The following RASSF1 variants were observed in gnomAD, a reference collection of about 807,000 sequenced individuals.
RASSF1 encodes ras association domain-containing protein 1.
RASSF1 carries 33 observed loss-of-function variants against 34.3 expected under a neutral mutation model. The ratio of observed to expected loss-of-function variants is 0.96; its 90% CI spans 0.73 to 1.29. The LOEUF (loss-of-function observed/expected upper bound fraction) is 1.29. Among genes scored for constraint, RASSF1 ranks in the 50% most tolerant of loss-of-function variants. The pLI is 0.00. For missense variants in RASSF1, 445 were observed against 471.8 expected, an observed-to-expected ratio of 0.94 and a Z score of 0.53; for synonymous variants, 191 against 195.0, an observed-to-expected ratio of 0.98 and a Z score of 0.17.
chr3:50,330,918 G>A lies in RASSF1; in HGVS notation c.877-191C>T, dbSNP rs1374637189. The stretch of plus-strand genomic sequence containing the variant: ...GTATGGAAGATGGGCCCTACAAAAC[G>A]GTCACCTTACTGAGACAACCAAGTC... On this transcript the variant is annotated intron_variant, in intron 5 of 5. Transcript: ENST00000359365. The surrounding 1 kb of genome is among the most constrained non-coding windows in gnomAD (Gnocchi z 4.5). Among the ~76,000 whole-genome samples, 1 of 152,118 alleles carries A rather than the reference G, an allele frequency of 6.6e-6. No homozygotes were observed. Among genetic ancestry groups the A allele is most frequent in the African/African-American group, 2.4e-5 (1 of 41,410 alleles).
At chr3:50,337,673 G>A in intron 2 of RASSF1, 1 of 882,728 alleles carries the variant, frequency 1.1e-6, no homozygotes, top group African/African-American at 1.7e-5. Flanking sequence ...GTGCGCGTGC[G>A]CGGAGCCTGG....
chr3:50,335,266 CTTT>C (rs201008830), intron 2 of RASSF1, among the ~76,000 whole-genome samples: 2 of 143,390 alleles, frequency 1.4e-5, no homozygotes, highest in East Asian at 4.1e-4. Flanking sequence ...ATGTTTTTTT[CTTT>C]TTTTTTAACA....
chr3:50,332,532 A>G (rs1702985063), intron 2 of RASSF1, among the ~76,000 whole-genome samples: 1 of 152,156 alleles, frequency 6.6e-6, no homozygotes, highest in African/African-American at 2.4e-5. Context: ...CACATCTGCA[A>G]TCCCAGCATT....
intron 5 of RASSF1, among the ~76,000 whole-genome samples, chr3:50,331,057 C>T (rs1239961848): frequency 2.6e-5 from 4 of 152,192 alleles, no homozygotes; most frequent in African/African-American, 9.7e-5. Flanking sequence ...TGAAGGGGGC[C>T]TCCTCATGTC....
intron 3 of RASSF1, 38 bp from the exon 4 acceptor site, chr3:50,331,894 C>G (rs1341388790): frequency 1.3e-6 from 2 of 1,548,294 alleles, no homozygotes; most frequent in East Asian, 2.3e-5. Context: ...ATAATAGGTT[C>G]CAGGTGAGAT....
chr3:50,337,040 C>T, intron 2 of RASSF1: 1 of 1,235,238 alleles, frequency 8.1e-7, no homozygotes, highest in Non-Finnish European at 1.1e-6. Flanking sequence ...AGGTCCCCGG[C>T]CAGGACCCGC....
chr3:50,337,636 G>C (rs1181197407), intron 2 of RASSF1: 1 of 998,526 alleles, frequency 1.0e-6, no homozygotes, highest in Non-Finnish European at 1.4e-6. Flanking sequence ...GCCTCTGGCC[G>C]GAGGCGAGGG....
chr3:50,333,176 G>C (rs1703007584), intron 2 of RASSF1, among the ~76,000 whole-genome samples: 1 of 152,124 alleles, frequency 6.6e-6, no homozygotes, highest in Admixed American at 6.5e-5. Context: ...GTGAGGGTTT[G>C]TCCTGGAGAA....
chr3:50,337,896 C>G lies in RASSF1; in HGVS notation c.357+9G>C. ...CGCCCTTCCCATACGCCCTCGGCCC[C>G]GCGCTCACCACGTTCGTGTCCCGCT... On this transcript the variant is annotated intron_variant, in intron 2 of 5. Coordinates refer to ENST00000359365, the MANE Select transcript of RASSF1 (RefSeq NM_007182.5). 2 of 1,590,130 alleles carry G rather than the reference C, an allele frequency of 1.3e-6. No individual in the cohort carries two copies. Among genetic ancestry groups the G allele is most frequent in the South Asian group, 1.1e-5 (1 of 90,362 alleles).
Position 50,338,030 on chromosome 3 carries a change from G to C in RASSF1, c.251-19C>G, listed in dbSNP as rs1449592465. On this transcript the variant is annotated intron_variant, in intron 1 of 5. Transcript: ENST00000359365. ...TTGCAATCTGCAGAGAGGCCTGGCG[G>C]TGAGGCGGAGGAGCTCCAGGTCGGG... 6.4e-7 allele frequency: 1 copy of C among 1,563,888 alleles called. No homozygotes were observed.
intron 2 of RASSF1, chr3:50,336,960 G>T (rs1401253119): frequency 1.5e-6 from 1 of 657,620 alleles, no homozygotes; most frequent in Non-Finnish European, 2.5e-6. Context: ...GTCTGTGACA[G>T]AAACCAAGGG....
In RASSF1 at chr3:50,330,752, A is replaced by T; in HGVS notation, c.877-25T>A. The T allele has an allele frequency of 1.9e-6, 3 of 1,611,496 alleles. No homozygotes were observed. The highest frequency in any genetic ancestry group is 2.5e-6 in the Non-Finnish European group (3 of 1,178,420). On this transcript the variant is annotated intron_variant, in intron 5 of 5. Transcript: ENST00000359365. This position sits in a 1 kb window ranked among gnomAD's most constrained non-coding sequence, Gnocchi z 4.5. ...ACTGCAAGGGGCAAAAGGGGAGTGT[A>T]CAGGCTGCAGAAGGGATGGCCAAGC...
At chr3:50,334,849 G>A (rs1703069965) in intron 2 of RASSF1, among the ~76,000 whole-genome samples, 2 of 152,202 alleles carry the variant, frequency 1.3e-5, no homozygotes, top group Admixed American at 1.3e-4. Context: ...CCTGCTGGAA[G>A]AGGATTTCAA....
intron 1 of RASSF1, chr3:50,338,400 C>G (rs1203131599): frequency 5.4e-6 from 1 of 186,796 alleles, no homozygotes; most frequent in African/African-American, 2.4e-5. Context: ...CTGCCTCAGC[C>G]TCCTGAGTAC....
At chr3:50,336,426 T>A (rs587655264) in intron 2 of RASSF1, 2 of 152,296 alleles carry the variant, frequency 1.3e-5, no homozygotes, top group East Asian at 3.9e-4. Flanking sequence ...TCTCCGATAA[T>A]GGGGATACCT....
intron 2 of RASSF1, among the ~76,000 whole-genome samples, chr3:50,334,811 A>G (rs931869658): frequency 1.3e-5 from 2 of 152,160 alleles, no homozygotes; most frequent in Non-Finnish European, 2.9e-5. Flanking sequence ...TAAAGGAGGA[A>G]GAGTTTCTTT....
chr3:50,338,271 A>T, intron 1 of RASSF1: 1 of 1,182,314 alleles, frequency 8.5e-7, no homozygotes, highest in East Asian at 3.5e-5. Flanking sequence ...CCCTTTCCTC[A>T]TTGGCAATTA....
intron 1 of RASSF1, 143 bp downstream of exon 1, chr3:50,340,413 C>T (rs778626660): frequency 8.4e-7 from 1 of 1,196,772 alleles, no homozygotes; most frequent in African/African-American, 1.6e-5. Context: ...TTCGCGCACT[C>T]TTCAGCGATG....
chr3:50,339,350 C>CAGCCTTGT (rs1447360655), intron 1 of RASSF1, among the ~76,000 whole-genome samples: 3 of 150,910 alleles, frequency 2.0e-5, no homozygotes, highest in Non-Finnish European at 2.9e-5. Flanking sequence ...TGCAATGTCC[C>CAGCCTTGT]AGCCTTGTTC....
Sources: gnomAD v4.1 joint callset for allele counts (sites outside exome capture counted in the v4.1 genomes callset) on GRCh38, gnomAD v4.1.1 for gene constraint, Gnocchi (gnomAD v3.1) non-coding constraint, MANE v1.5 for transcripts, NCBI Gene and HGNC (gene_info 2026-07-23, HGNC 2026-07-21) for gene names.